The following AGPAT4 variants were observed in gnomAD, a reference collection of about 807,000 sequenced individuals.
AGPAT4 encodes the protein 1-acyl-sn-glycerol-3-phosphate acyltransferase delta.
In AGPAT4, 15 loss-of-function variants were observed where a neutral mutation model predicts 48.0. The observed-to-expected ratio is 0.31, with a 90% CI of 0.21 to 0.48. The LOEUF (loss-of-function observed/expected upper bound fraction) is 0.48. Ranked by LOEUF, AGPAT4 falls within the 20% of genes least tolerant of loss-of-function variation. The probability of loss-of-function intolerance (pLI) is 0.99; values close to 1 mark genes in which losing one functional copy is unlikely to be tolerated. For missense variants in AGPAT4, 314 were observed against 482.5 expected (o/e 0.65, Z 3.27); for synonymous variants, 178 against 198.7 (o/e 0.90, Z 0.88).
intron 2 of AGPAT4, among the ~76,000 whole-genome samples, chr6:161,211,810 C>A (rs1026567612): frequency 6.6e-6 from 1 of 151,902 alleles, no homozygotes; most frequent in Non-Finnish European, 1.5e-5. Flanking sequence ...AAAATGACAC[C>A]AAATCCTACT....
At position 161,251,726 on chromosome 6, in the gene AGPAT4, C is replaced by T. The variant is rs369505487; in HGVS notation, c.-89-19424G>A. Reference sequence around the variant, plus strand: ...TGCCAAGCCCACTTCCCGGGCCTTACGTTTCCCATTCAAACATGGGAGACG... The same window carrying T: ...TGCCAAGCCCACTTCCCGGGCCTTATGTTTCCCATTCAAACATGGGAGACG... On this transcript the variant is annotated intron_variant, in intron 1 of 8. Coordinates refer to ENST00000320285, the MANE Select transcript of AGPAT4 (RefSeq NM_020133.3). The surrounding 1 kb of genome is among the most constrained non-coding windows in gnomAD (Gnocchi z 4.6). Among the ~76,000 whole-genome samples, 39 of 152,330 alleles carry T rather than the reference C, an allele frequency of 2.6e-4. 1 individual carries two copies. In the East Asian group the frequency reaches 6.8e-3, roughly 26 times the overall value.
chr6:161,217,642 G>C lies in AGPAT4; in HGVS notation c.178+14394C>G, dbSNP rs945027978. ...TTCCATTTAAAGAAATTGGCTACTGGTGTAGAAATTGTACATGAACAATCT... is the reference window on the plus strand; with the variant it reads ...TTCCATTTAAAGAAATTGGCTACTGCTGTAGAAATTGTACATGAACAATCT... On this transcript the variant is annotated intron_variant, in intron 2 of 8. Coordinates refer to ENST00000320285, the MANE Select transcript of AGPAT4 (RefSeq NM_020133.3). This position sits in a 1 kb window ranked among gnomAD's most constrained non-coding sequence, Gnocchi z 4.9. Among the ~76,000 whole-genome samples, 7 of 152,202 alleles carry C rather than the reference G, an allele frequency of 4.6e-5. No individual in the cohort carries two copies. Among genetic ancestry groups the C allele is most frequent in the African/African-American group, 1.7e-4 (7 of 41,436 alleles).
At chr6:161,163,497 G>A (rs1779997963) in intron 3 of AGPAT4, among the ~76,000 whole-genome samples, 1 of 152,048 alleles carries the variant, frequency 6.6e-6, no homozygotes, top group African/African-American at 2.4e-5. Context: ...GCAGAGATGA[G>A]CACCAGCCAT....
rs367797232 is a variant in AGPAT4 at position 161,251,111 on chromosome 6, G to A, written c.-89-18809C>T. 3.3e-5 allele frequency among the ~76,000 whole-genome samples: 5 copies of A among 151,968 alleles called. No individual in the cohort carries two copies. The highest frequency in any genetic ancestry group is 7.4e-5 in the Non-Finnish European group (5 of 67,976). On this transcript the variant is annotated intron_variant, in intron 1 of 8. Transcript: ENST00000320285. The surrounding 1 kb of genome is among the most constrained non-coding windows in gnomAD (Gnocchi z 4.6). ...GTTTAAACTTAGGGCTTCCTTCTAC[G>A]CTTATTTCTTATCCTGCAGAAAACT... is the stretch of plus-strand genomic sequence containing the variant.
chr6:161,237,138 T>C (rs1271800928), intron 1 of AGPAT4, among the ~76,000 whole-genome samples: 1 of 152,228 alleles, frequency 6.6e-6, no homozygotes, highest in Admixed American at 6.5e-5. Flanking sequence ...TGAAAATGAC[T>C]GCACCAGCGT....
intron 2 of AGPAT4, among the ~76,000 whole-genome samples, chr6:161,174,670 C>A (rs1293164251): frequency 6.6e-6 from 1 of 152,200 alleles, no homozygotes; most frequent in African/African-American, 2.4e-5. Context: ...CTGGCCAGAA[C>A]TTCCAACACT....
At position 161,135,893 on chromosome 6, in the gene AGPAT4, C is replaced by T. The variant is rs536307473; in HGVS notation, c.*647G>A. On this transcript the variant is annotated 3_prime_UTR_variant, in exon 9 of 9. Coordinates refer to ENST00000320285, the MANE Select transcript of AGPAT4 (RefSeq NM_020133.3). ...CGCACGTGCTTGCCATCTCTGCTCT[C>T]ACAAATGCTCACGGGCTCCTGGACC... 1 of 153,054 alleles carries T rather than the reference C, an allele frequency of 6.5e-6. No homozygotes were observed. The highest frequency in any genetic ancestry group is 2.1e-4 in the South Asian group (1 of 4,852). 9.5% of individuals were successfully genotyped at this position (153,054 alleles called of 1,614,324 possible).
At chr6:161,173,170 G>A (rs949593155) in intron 2 of AGPAT4, among the ~76,000 whole-genome samples, 5 of 152,176 alleles carry the variant, frequency 3.3e-5, no homozygotes, top group African/African-American at 4.8e-5. Flanking sequence ...GTAACGGGAT[G>A]GCTGGGTCAA....
rs1583339381 is a variant in AGPAT4 at position 161,218,625 on chromosome 6, T to A, written c.178+13411A>T. ...ATAACACCGGGGCAGGATCCTCCGC[T>A]CCACGGCCCTAGCACAGTGTATCCA... On this transcript the variant is annotated intron_variant, in intron 2 of 8. Transcript: ENST00000320285. The surrounding 1 kb of genome is among the most constrained non-coding windows in gnomAD (Gnocchi z 4.7). Among the ~76,000 whole-genome samples the A allele has an allele frequency of 6.6e-6, 1 of 152,244 alleles. No individual in the cohort carries two copies. Among genetic ancestry groups the A allele is most frequent in the East Asian group, 1.9e-4 (1 of 5,176 alleles).
rs535578968 is a variant in AGPAT4 at position 161,266,399 on chromosome 6, C to A, written c.-90+7539G>T. Among the ~76,000 whole-genome samples the A allele has an allele frequency of 5.8e-4, 88 of 152,258 alleles. No homozygotes were observed. Among genetic ancestry groups the A allele is most frequent in the African/African-American group, 1.1e-3 (45 of 41,550 alleles). On this transcript the variant is annotated intron_variant, in intron 1 of 8. Transcript: ENST00000320285. The surrounding 1 kb of genome is among the most constrained non-coding windows in gnomAD (Gnocchi z 6.2). ...ACTCTGCTCTATGCTACAAACGATG[C>A]GATCATACCTCCATGCCATGAATGA...
rs996443487 is a variant in AGPAT4, at chr6:161,137,979, T to C, written c.1043-1345A>G. Among the ~76,000 whole-genome samples, 2 of 152,234 alleles carry C rather than the reference T, an allele frequency of 1.3e-5. No homozygotes were observed. The highest frequency in any genetic ancestry group is 4.8e-5 in the African/African-American group (2 of 41,462). On this transcript the variant is annotated intron_variant, in intron 8 of 8. Coordinates refer to ENST00000320285, the MANE Select transcript of AGPAT4 (RefSeq NM_020133.3). This position sits in a 1 kb window ranked among gnomAD's most constrained non-coding sequence, Gnocchi z 6.1. ...TACTCGCTACACAGCTGGGTGGCCCTGTCTGCAGCCTTCATCCTGAAGGGG... is the reference window on the plus strand; with the variant it reads ...TACTCGCTACACAGCTGGGTGGCCCCGTCTGCAGCCTTCATCCTGAAGGGG...
In AGPAT4 at chr6:161,235,807, G is replaced by A. The variant is rs1408327238; in HGVS notation, c.-89-3505C>T. Among the ~76,000 whole-genome samples the A allele has an allele frequency of 6.6e-6, 1 of 152,140 alleles. No individual in the cohort carries two copies. The highest frequency in any genetic ancestry group is 1.5e-5 in the Non-Finnish European group (1 of 68,030). On this transcript the variant is annotated intron_variant, in intron 1 of 8. Coordinates refer to ENST00000320285, the MANE Select transcript of AGPAT4 (RefSeq NM_020133.3). This position sits in a 1 kb window ranked among gnomAD's most constrained non-coding sequence, Gnocchi z 6.2. ...TTATACGGTACCAAGGGGGTACAGTGCTAAACCATTCATGAGAACTCCGCC... is the reference window on the plus strand; with the variant it reads ...TTATACGGTACCAAGGGGGTACAGTACTAAACCATTCATGAGAACTCCGCC...
Position 161,202,894 on chromosome 6 carries a change from G to T in AGPAT4, c.178+29142C>A, listed in dbSNP as rs573624034. Among the ~76,000 whole-genome samples the T allele has an allele frequency of 2.6e-5, 4 of 152,310 alleles. No individual in the cohort carries two copies. Among genetic ancestry groups the T allele is most frequent in the African/African-American group, 7.2e-5 (3 of 41,556 alleles). On this transcript the variant is annotated intron_variant, in intron 2 of 8. Transcript: ENST00000320285. This position sits in a 1 kb window ranked among gnomAD's most constrained non-coding sequence, Gnocchi z 5.4. ...GGGGAAGCCTGGGCTATATGGATAG[G>T]TTACTCCAGTTGACAGCCCCAGTTG...
At chr6:161,174,632 C>T (rs1313795654) in intron 2 of AGPAT4, among the ~76,000 whole-genome samples, 1 of 151,894 alleles carries the variant, frequency 6.6e-6, no homozygotes, top group African/African-American at 2.4e-5. Context: ...ACTGAATACC[C>T]TTTATTTCTT....
chr6:161,149,684 G>A lies in AGPAT4; in HGVS notation c.665-395C>T, dbSNP rs1779531983. ...AGCCTCCCAAGTAGCTGGGGTTACA[G>A]ACACCCACCACCACGCCCAGCTAAT... On this transcript the variant is annotated intron_variant, in intron 5 of 8. Coordinates refer to ENST00000320285, the MANE Select transcript of AGPAT4 (RefSeq NM_020133.3). The surrounding 1 kb of genome is among the most constrained non-coding windows in gnomAD (Gnocchi z 6.5). 6.6e-6 allele frequency among the ~76,000 whole-genome samples: 1 copy of A among 152,102 alleles called. No individual in the cohort carries two copies. The highest frequency in any genetic ancestry group is 2.4e-5 in the African/African-American group (1 of 41,416).
chr6:161,143,832 A>G lies in AGPAT4; in HGVS notation c.843+2692T>C, dbSNP rs910405767. 16 of 259,484 alleles carry G rather than the reference A, an allele frequency of 6.2e-5. No individual in the cohort carries two copies. The highest frequency in any genetic ancestry group is 1.2e-4 in the Non-Finnish European group (16 of 131,198). 16.1% of individuals were successfully genotyped at this position (259,484 alleles called of 1,614,324 possible). On this transcript the variant is annotated intron_variant, in intron 7 of 8. Coordinates refer to ENST00000320285, the MANE Select transcript of AGPAT4 (RefSeq NM_020133.3). The surrounding 1 kb of genome is among the most constrained non-coding windows in gnomAD (Gnocchi z 4.7). ...TCTCTTTATTTATGTCCATGCTTGG[A>G]AAGACCAGAATGTTGGCACACCTCT...
At position 161,180,828 on chromosome 6, in the gene AGPAT4, G is replaced by A. The variant is rs914324760; in HGVS notation, c.179-14411C>T. ...GAGGTCAGTCGTCAAGTTACAGGGT[G>A]CCCACCAGACCCTCTCTGTGCCTGA... On this transcript the variant is annotated intron_variant, in intron 2 of 8. Coordinates refer to ENST00000320285, the MANE Select transcript of AGPAT4 (RefSeq NM_020133.3). This position sits in a 1 kb window ranked among gnomAD's most constrained non-coding sequence, Gnocchi z 6.4. 6.6e-6 allele frequency among the ~76,000 whole-genome samples: 1 copy of A among 152,190 alleles called. No individual in the cohort carries two copies. Among genetic ancestry groups the A allele is most frequent in the Non-Finnish European group, 1.5e-5 (1 of 68,036 alleles).
In AGPAT4 at chr6:161,171,206, C is replaced by A. The variant is rs1402661705; in HGVS notation, c.179-4789G>T. Reference sequence around the variant, plus strand: ...GTAACTAGCGTTACAATGCCAGGAGCCCTACGAGGGTAAATCTAAGAGAAG... The same window carrying A: ...GTAACTAGCGTTACAATGCCAGGAGACCTACGAGGGTAAATCTAAGAGAAG... On this transcript the variant is annotated intron_variant, in intron 2 of 8. Transcript: ENST00000320285. This position sits in a 1 kb window ranked among gnomAD's most constrained non-coding sequence, Gnocchi z 4.4. Among the ~76,000 whole-genome samples the A allele has an allele frequency of 6.6e-6, 1 of 152,180 alleles. No homozygotes were observed. Among genetic ancestry groups the A allele is most frequent in the Non-Finnish European group, 1.5e-5 (1 of 68,024 alleles).
rs762827516 is a variant in AGPAT4 at position 161,144,584 on chromosome 6, G to A, written c.843+1940C>T. On this transcript the variant is annotated intron_variant, in intron 7 of 8. Transcript: ENST00000320285. The surrounding 1 kb of genome is among the most constrained non-coding windows in gnomAD (Gnocchi z 6.6). ...GAGAAAAATCTCCTTTGCCTTGATG[G>A]GCTTGAGGGCCCACGTTTATTGTAG... Among the ~76,000 whole-genome samples, 10 of 152,076 alleles carry A rather than the reference G, an allele frequency of 6.6e-5. No individual in the cohort carries two copies. Among genetic ancestry groups the A allele is most frequent in the Non-Finnish European group, 1.5e-4 (10 of 67,992 alleles).
Sources: allele counts gnomAD v4.1 joint callset (sites outside exome capture counted in the v4.1 genomes callset), GRCh38; gene constraint gnomAD v4.1.1; non-coding constraint Gnocchi (gnomAD v3.1); transcripts MANE v1.5; gene names NCBI Gene and HGNC (gene_info 2026-07-23, HGNC 2026-07-21).